ANKRD46: variants seen among roughly 807,000 people sequenced by gnomAD.
ANKRD46 encodes the protein ankyrin repeat domain 46, also known as ankyrin repeat domain-containing protein 46.
A neutral mutation model predicts 19.8 loss-of-function variants in ANKRD46; 13 were observed. The ratio of observed to expected loss-of-function variants is 0.66; its 90% CI spans 0.43 to 1.04. The LOEUF (loss-of-function observed/expected upper bound fraction) is 1.04. ANKRD46 is among the 50% of genes least tolerant of loss of function. ANKRD46 has a pLI of 0.00. For synonymous variants in ANKRD46, 91 were observed against 106.9 expected (o/e 0.85, Z 0.92); for missense variants, 185 against 274.8 (o/e 0.67, Z 2.31).
chr8:100,541,915 G>C (rs1812182703), intron 1 of ANKRD46, among the ~76,000 whole-genome samples: 1 of 152,180 alleles, frequency 6.6e-6, no homozygotes, highest in Non-Finnish European at 1.5e-5. Context: ...TGCTGTATAG[G>C]GTTGTAGCCT....
downstream of ANKRD46, among the ~76,000 whole-genome samples, chr8:100,519,672 A>G (rs1811689484): frequency 6.6e-6 from 1 of 152,202 alleles, no homozygotes; most frequent in Admixed American, 6.5e-5. Flanking sequence ...TGGCAGGTGA[A>G]TATTGTTCCT....
chr8:100,536,618 C>A lies in ANKRD46; in HGVS notation c.-130-3307G>T, dbSNP rs937607280. ...GGTGACATCTAGTTGGCAGTAAAGA[C>A]CTCCAGGAAAGAAAAATAAAAGAAC... On this transcript the variant is annotated intron_variant, in intron 1 of 4. Transcript: ENST00000335659. The surrounding 1 kb of genome is among the most constrained non-coding windows in gnomAD (Gnocchi z 4.9). Among the ~76,000 whole-genome samples the A allele has an allele frequency of 1.3e-5, 2 of 152,030 alleles. No homozygotes were observed. Among genetic ancestry groups the A allele is most frequent in the Non-Finnish European group, 2.9e-5 (2 of 67,998 alleles).
At chr8:100,526,336 C>A (rs1174789406) in intron 4 of ANKRD46, among the ~76,000 whole-genome samples, 1 of 151,982 alleles carries the variant, frequency 6.6e-6, no homozygotes, top group Non-Finnish European at 1.5e-5. Flanking sequence ...TAAAAATATA[C>A]CAAACAAGAA....
chr8:100,528,105 C>G (rs1366093687), intron 3 of ANKRD46, 102 bp from the exon 4 acceptor site: 12 of 1,263,260 alleles, frequency 9.5e-6, no homozygotes, highest in Non-Finnish European at 1.2e-5. Context: ...TTATATAGAT[C>G]TCAGTGAAGA....
In ANKRD46 at chr8:100,527,998, T is replaced by C; in HGVS notation, c.317A>G (p.His106Arg). 2.0e-6 allele frequency: 3 copies of C among 1,464,000 alleles called. No homozygotes were observed. The highest frequency in any genetic ancestry group is 2.7e-6 in the Non-Finnish European group (3 of 1,113,756). 90.7% of individuals were successfully genotyped at this position (1,464,000 alleles called of 1,614,324 possible). Residue 106 changes from histidine (H) to arginine (R), a missense_variant, in exon 4 of 5, where the codon CAT becomes CGT. Physicochemically the swap from His to Arg is conservative, Grantham distance 29. Transcript: ENST00000335659. This position sits in a 1 kb window ranked among gnomAD's most constrained non-coding sequence, Gnocchi z 4.0. ...SNGLKIDICN[H>R]QGATPLVLAK... ...CAGAACTAAAGGGGTAGCACCTTGA[T>C]GATTGCTAAAAAAAAAAAAAAAAAA...
chr8:100,518,924 TTGGG>T (rs1241915851), downstream of ANKRD46, among the ~76,000 whole-genome samples: 1 of 152,106 alleles, frequency 6.6e-6, no homozygotes, highest in Non-Finnish European at 1.5e-5. Context: ...TGTGAAATGG[TTGGG>T]TTTTAGGTTC....
Position 100,529,456 on chromosome 8 carries a change from A to C in ANKRD46, c.311+67T>G. On this transcript the variant is annotated intron_variant, in intron 3 of 4. Transcript: ENST00000335659. The surrounding 1 kb of genome is among the most constrained non-coding windows in gnomAD (Gnocchi z 5.8). ...AGGAAACAAAACCAACAGACCCAAGATAAGATTATCAGTTGAGAGATTAAT... is the reference window on the plus strand; with the variant it reads ...AGGAAACAAAACCAACAGACCCAAGCTAAGATTATCAGTTGAGAGATTAAT... 2 of 1,468,558 alleles carry C rather than the reference A, an allele frequency of 1.4e-6. 1 individual carries two copies. The highest frequency in any genetic ancestry group is 2.6e-5 in the South Asian group (2 of 76,740). The allele number at this position is 1,468,558 out of a possible 1,614,324, so 91.0% of individuals were successfully genotyped here. A position where few individuals can be genotyped will look rare whatever the true frequency, so the allele number is the denominator to read the frequency against.
At position 100,520,828 on chromosome 8, in the gene ANKRD46, A is replaced by C. The variant is rs1811710271; in HGVS notation, c.*1727T>G. On this transcript the variant is annotated 3_prime_UTR_variant, in exon 5 of 5. Coordinates refer to ENST00000335659, the MANE Select transcript of ANKRD46 (RefSeq NM_001270377.2). ...TATTCCTGAATGATGAATGCAGAGAACAGAATACAAAGAAATCAGCACATA... is the reference window on the plus strand; with the variant it reads ...TATTCCTGAATGATGAATGCAGAGACCAGAATACAAAGAAATCAGCACATA... The C allele has an allele frequency of 2.0e-6, 2 of 984,594 alleles. No individual in the cohort carries two copies. The highest frequency in any genetic ancestry group is 9.4e-5 in the South Asian group (2 of 21,274). The allele number at this position is 984,594 out of a possible 1,614,324, so 61.0% of individuals were successfully genotyped here.
At position 100,522,423 on chromosome 8, in the gene ANKRD46, C is replaced by T; in HGVS notation, c.*132G>A. ...AACACATCATTATCTAAAAGGATTA[C>T]AATAATTAAAAATGCAAAAAGAACA... On this transcript the variant is annotated 3_prime_UTR_variant, in exon 5 of 5. Transcript: ENST00000335659. 1 of 1,450,358 alleles carries T rather than the reference C, an allele frequency of 6.9e-7. No homozygotes were observed. Among genetic ancestry groups the T allele is most frequent in the East Asian group, 2.5e-5 (1 of 40,222 alleles). The allele number at this position is 1,450,358 out of a possible 1,614,324, so 89.8% of individuals were successfully genotyped here.
chr8:100,533,208 C>T lies in ANKRD46; in HGVS notation c.-28+1G>A, dbSNP rs75181416. The T allele has an allele frequency of 1.3e-5, 2 of 152,340 alleles. No homozygotes were observed. The highest frequency in any genetic ancestry group is 1.9e-4 in the East Asian group (1 of 5,190). The allele number at this position is 152,340 out of a possible 1,614,324, so 9.4% of individuals were successfully genotyped here. ...GGAAGTCCACAGTAGTAAATACTCACGTAAGCCTTAAGATTAGATCTTTTC... is the reference window on the plus strand; with the variant it reads ...GGAAGTCCACAGTAGTAAATACTCATGTAAGCCTTAAGATTAGATCTTTTC... On this transcript the variant is annotated splice_donor_variant, in intron 2 of 4. Transcript: ENST00000335659. LOFTEE classifies it low-confidence loss of function (5UTR_SPLICE).
intron 1 of ANKRD46, among the ~76,000 whole-genome samples, chr8:100,555,453 A>G (rs1376552394): frequency 6.6e-6 from 1 of 151,520 alleles, no homozygotes; most frequent in Non-Finnish European, 1.5e-5. Flanking sequence ...AGGGTGGGGG[A>G]AAAAACAGTA....
rs1811553302 is a variant in ANKRD46 at position 100,511,950 on chromosome 8, A to G, written c.637-1311T>C. On this transcript the variant is annotated intron_variant, in intron 5 of 5. Coordinates refer to the ANKRD46 transcript ENST00000520552. This position sits in a 1 kb window ranked among gnomAD's most constrained non-coding sequence, Gnocchi z 4.1. ...TGAGTCAGAAGAATTGCTTGAACCC[A>G]GGTGGCGGAGGCTGCGGTGAGCCGA... is the stretch of plus-strand genomic sequence containing the variant. Among the ~76,000 whole-genome samples, 1 of 152,194 alleles carries G rather than the reference A, an allele frequency of 6.6e-6. No individual in the cohort carries two copies. Among genetic ancestry groups the G allele is most frequent in the Non-Finnish European group, 1.5e-5 (1 of 68,032 alleles).
intron 5 of ANKRD46, among the ~76,000 whole-genome samples, chr8:100,514,584 T>C (rs1811597494): frequency 6.9e-6 from 1 of 145,950 alleles, no homozygotes; most frequent in African/African-American, 2.7e-5. Flanking sequence ...ACAGTGATAG[T>C]TTTATCCTGA....
intron 1 of ANKRD46, among the ~76,000 whole-genome samples, chr8:100,558,885 T>C (rs1235208722): frequency 6.6e-6 from 1 of 152,160 alleles, no homozygotes; most frequent in Non-Finnish European, 1.5e-5. Context: ...AATGGCACCG[T>C]GTCTGACATA....
intron 1 of ANKRD46, chr8:100,551,001 A>C (rs1812376215): frequency 5.6e-6 from 3 of 535,364 alleles, no homozygotes. Context: ...TCCACAACCA[A>C]CACGTTTGCA....
At position 100,511,102 on chromosome 8, in the gene ANKRD46, C is replaced by A. The variant is rs1422624224; in HGVS notation, c.637-463G>T. Among the ~76,000 whole-genome samples the A allele has an allele frequency of 6.6e-6, 1 of 152,210 alleles. No homozygotes were observed. The highest frequency in any genetic ancestry group is 1.5e-5 in the Non-Finnish European group (1 of 68,046). ...TAATTACGCTGATTATTGAGAGCTG[C>A]TGTGCACCAACAACAGTGTTGAGCG... On this transcript the variant is annotated intron_variant, in intron 5 of 5. Coordinates refer to the ANKRD46 transcript ENST00000520552. This position sits in a 1 kb window ranked among gnomAD's most constrained non-coding sequence, Gnocchi z 4.1.
At chr8:100,538,268 A>G (rs1812103924) in intron 1 of ANKRD46, among the ~76,000 whole-genome samples, 1 of 152,232 alleles carries the variant, frequency 6.6e-6, no homozygotes, top group Non-Finnish European at 1.5e-5. Context: ...GCTGCACACA[A>G]TCAACCATGA....
intron 1 of ANKRD46, among the ~76,000 whole-genome samples, chr8:100,533,965 C>T (rs1441091733): frequency 1.3e-5 from 2 of 152,216 alleles, no homozygotes; most frequent in South Asian, 2.1e-4. Flanking sequence ...ACTACGAGGG[C>T]ACCCTGTCTG....
At chr8:100,530,017 A>G (rs1280839600) in intron 2 of ANKRD46, among the ~76,000 whole-genome samples, 157 bp from the exon 3 acceptor site, 1 of 152,234 alleles carries the variant, frequency 6.6e-6, no homozygotes, top group East Asian at 1.9e-4. Context: ...ATTGTATTTT[A>G]TTTTCCATTA....
Sources: allele counts gnomAD v4.1 joint callset (sites outside exome capture counted in the v4.1 genomes callset), GRCh38; gene constraint gnomAD v4.1.1; non-coding constraint Gnocchi (gnomAD v3.1); transcripts MANE v1.5; gene names NCBI Gene and HGNC (gene_info 2026-07-23, HGNC 2026-07-21).